ZFYVE9: variants seen among roughly 807,000 people sequenced by gnomAD.
ZFYVE9 encodes the protein zinc finger FYVE-type containing 9.
Under a neutral mutation model 126.7 loss-of-function variants are expected in ZFYVE9, and 43 were observed. That is an observed-to-expected ratio of 0.34 (90% CI 0.27 to 0.44). The LOEUF is 0.44. Among genes scored for constraint, ZFYVE9 ranks in the 20% least tolerant of loss-of-function variants. The pLI is 1.00. For synonymous variants in ZFYVE9, 521 were observed against 597.4 expected, an observed-to-expected ratio of 0.87 and a Z score of 1.87; for missense variants, 1,476 against 1,697.0, an observed-to-expected ratio of 0.87 and a Z score of 2.29.
intron 17 of ZFYVE9, among the ~76,000 whole-genome samples, chr1:52,344,319 C>T (rs755025981): frequency 4.6e-5 from 7 of 152,192 alleles, no homozygotes; most frequent in African/African-American, 7.2e-5. Context: ...TCTTCTGTGC[C>T]CTTGAGCCAG....
chr1:52,162,344 C>T, intron 1 of ZFYVE9: 1 of 384,592 alleles, frequency 2.6e-6, no homozygotes, highest in Non-Finnish European at 5.2e-6. Context: ...TCTGTGACCA[C>T]CTCCACTGCC....
At chr1:52,181,701 T>C (rs1378013649) in intron 1 of ZFYVE9, among the ~76,000 whole-genome samples, 4 of 146,130 alleles carry the variant, frequency 2.7e-5, no homozygotes, top group African/African-American at 1.0e-4. Context: ...CGGCCGCCCA[T>C]CGTCTGAGAT....
At chr1:52,162,017 C>T (rs1022327697) in intron 1 of ZFYVE9, among the ~76,000 whole-genome samples, 2 of 148,236 alleles carry the variant, frequency 1.3e-5, no homozygotes, top group South Asian at 2.1e-4. Flanking sequence ...ACAACAATTA[C>T]ATCTTTAGGA....
At chr1:52,287,950 T>A (rs1440397612) in intron 10 of ZFYVE9, among the ~76,000 whole-genome samples, 3 of 152,228 alleles carry the variant, frequency 2.0e-5, no homozygotes, top group Non-Finnish European at 2.9e-5. Flanking sequence ...ATTAGAATTA[T>A]GGTATTGTAG....
chr1:52,334,582 C>T lies in ZFYVE9; in HGVS notation c.3590-106C>T. ...TATAGATTTGATTTTTTAAAATTTTCTGTGTGATGATGGTCGGAATTCTCA... is the reference window on the plus strand; with the variant it reads ...TATAGATTTGATTTTTTAAAATTTTTTGTGTGATGATGGTCGGAATTCTCA... On this transcript the variant is annotated intron_variant, in intron 14 of 18. Transcript: ENST00000287727. 7 of 1,158,292 alleles carry T rather than the reference C, an allele frequency of 6.0e-6. No homozygotes were observed. In the South Asian group the frequency reaches 6.9e-5, roughly 11 times the overall value. The allele number at this position is 1,158,292 out of a possible 1,614,324, so 71.8% of individuals were successfully genotyped here. A position where few individuals can be genotyped will look rare whatever the true frequency, so the allele number is the denominator to read the frequency against.
At chr1:52,222,345 C>A (rs755264284) in intron 2 of ZFYVE9, among the ~76,000 whole-genome samples, 3 of 152,166 alleles carry the variant, frequency 2.0e-5, no homozygotes, top group Non-Finnish European at 4.4e-5. Flanking sequence ...TCAGGGTCCT[C>A]CTACTCAAAG....
chr1:52,250,355 G>A (rs1447941804), intron 4 of ZFYVE9, among the ~76,000 whole-genome samples: 1 of 151,900 alleles, frequency 6.6e-6, no homozygotes, highest in East Asian at 1.9e-4. Context: ...TAATTTCTAG[G>A]TATTTTATTC....
chr1:52,217,638 A>T (rs749428907), intron 2 of ZFYVE9, among the ~76,000 whole-genome samples: 5 of 152,210 alleles, frequency 3.3e-5, no homozygotes, highest in Non-Finnish European at 7.3e-5. Flanking sequence ...AACAATTGCA[A>T]GGGAAGTAAA....
chr1:52,191,477 CT>C (rs965477767), intron 1 of ZFYVE9, among the ~76,000 whole-genome samples: 1 of 152,110 alleles, frequency 6.6e-6, no homozygotes. Context: ...TGGTGGAGTC[CT>C]TTTACTGATA....
chr1:52,239,246 A>G lies in ZFYVE9; in HGVS notation c.1829A>G (p.Asn610Ser). ...QNDFPANSGN[N>S]TKNKNDILGK... ...GACTTTCCTGCAAACAGTGGAAATA[A>G]TACTAAAAATAAAAATGATATTCTT... The change falls in exon 4 of 19, where the codon AAT (asparagine) becomes AGT (serine). Residue 610 changes from asparagine to serine, a missense_variant. Transcript: ENST00000287727. 1 of 1,614,152 alleles carries G rather than the reference A, an allele frequency of 6.2e-7. No homozygotes were observed. Among genetic ancestry groups the G allele is most frequent in the Non-Finnish European group, 8.5e-7 (1 of 1,179,994 alleles).
chr1:52,298,270 C>G (rs1205837301), intron 12 of ZFYVE9, among the ~76,000 whole-genome samples: 2 of 152,146 alleles, frequency 1.3e-5, no homozygotes, highest in African/African-American at 4.8e-5. Flanking sequence ...CTAATAGTTT[C>G]ATAGTTTTGG....
At chr1:52,278,691 A>G in intron 9 of ZFYVE9, 77 bp downstream of exon 9, 1 of 1,031,496 alleles carries the variant, frequency 9.7e-7, no homozygotes, top group Non-Finnish European at 1.4e-6. Flanking sequence ...GATTTATTAC[A>G]CACAAGTATT....
chr1:52,205,535 A>G (rs954872124), intron 1 of ZFYVE9, among the ~76,000 whole-genome samples: 2 of 142,354 alleles, frequency 1.4e-5, no homozygotes, highest in Non-Finnish European at 3.1e-5. Context: ...GGCTAATTAA[A>G]TTTTTTTTTT....
chr1:52,265,357 T>C (rs1470256208), intron 5 of ZFYVE9, among the ~76,000 whole-genome samples: 1 of 152,188 alleles, frequency 6.6e-6, no homozygotes, highest in Non-Finnish European at 1.5e-5. Flanking sequence ...GTCTTGCAGT[T>C]TGGAGGCAAT....
At chr1:52,313,739 G>A (rs1646158336) in intron 13 of ZFYVE9, among the ~76,000 whole-genome samples, 1 of 152,112 alleles carries the variant, frequency 6.6e-6, no homozygotes, top group African/African-American at 2.4e-5. Flanking sequence ...AGCTTGAAAA[G>A]GATGAAAGAA....
At chr1:52,169,410 A>C (rs1043743865) in intron 1 of ZFYVE9, among the ~76,000 whole-genome samples, 2 of 152,094 alleles carry the variant, frequency 1.3e-5, no homozygotes, top group African/African-American at 2.4e-5. Flanking sequence ...AATAAAATAA[A>C]ATAAATTTAT....
chr1:52,287,515 G>A (rs113759468), intron 10 of ZFYVE9, among the ~76,000 whole-genome samples: 7 of 151,982 alleles, frequency 4.6e-5, no homozygotes, highest in African/African-American at 1.7e-4. Context: ...ATTAGGAGGT[G>A]GGACCTTTAA....
chr1:52,177,395 G>A (rs575822313), intron 1 of ZFYVE9, among the ~76,000 whole-genome samples: 2 of 152,072 alleles, frequency 1.3e-5, no homozygotes, highest in African/African-American at 2.4e-5. Flanking sequence ...TGATCCATCC[G>A]CCTCGCCGCA....
At chr1:52,182,722 C>G (rs886357305) in intron 1 of ZFYVE9, among the ~76,000 whole-genome samples, 1 of 150,508 alleles carries the variant, frequency 6.6e-6, no homozygotes, top group East Asian at 1.9e-4. Context: ...TCCCCCTCTG[C>G]GAGAAACACC....
Sources: allele counts gnomAD v4.1 joint callset (sites outside exome capture counted in the v4.1 genomes callset), GRCh38; gene constraint gnomAD v4.1.1; transcripts MANE v1.5; gene names NCBI Gene and HGNC (gene_info 2026-07-23, HGNC 2026-07-21).